Variants in PCDH15 observed in about 807,000 individuals in gnomAD.
PCDH15 encodes the protein protocadherin-15.
A neutral mutation model predicts 178.5 loss-of-function variants in PCDH15; 129 were observed. The ratio of observed to expected loss-of-function variants is 0.72; its 90% confidence interval spans 0.63 to 0.84. PCDH15 has a LOEUF of 0.84. Ranked by LOEUF, PCDH15 falls within the 40% of genes least tolerant of loss-of-function variation. The pLI is 0.00. For missense variants in PCDH15, 2,230 were observed against 2,099.9 expected (o/e 1.06, Z -1.21); for synonymous variants, 800 against 732.0 (o/e 1.09, Z -1.50).
chr10:54,414,492 C>A (rs1954029907), intron 3 of PCDH15, among the ~76,000 whole-genome samples: 1 of 151,904 alleles, frequency 6.6e-6, no homozygotes, highest in Admixed American at 6.6e-5. Flanking sequence ...AGTAGGTATA[C>A]AAATATGGAA....
At chr10:55,551,855 A>G (rs146867417) in intron 2 of PCDH15, among the ~76,000 whole-genome samples, 2 of 151,794 alleles carry the variant, frequency 1.3e-5, no homozygotes, top group Non-Finnish European at 1.5e-5. Flanking sequence ...AATTTGAGCT[A>G]AATTTGTCCT....
At chr10:54,305,795 C>A (rs1293482835) in intron 8 of PCDH15, among the ~76,000 whole-genome samples, 1 of 151,454 alleles carries the variant, frequency 6.6e-6, no homozygotes, top group African/African-American at 2.4e-5. Context: ...ACTAAAGGAG[C>A]CAGCCATAGG....
intron 8 of PCDH15, among the ~76,000 whole-genome samples, chr10:54,269,467 T>C (rs1399951329): frequency 6.6e-6 from 1 of 151,954 alleles, no homozygotes; most frequent in Non-Finnish European, 1.5e-5. Context: ...TATTTCATCA[T>C]AGTGTTTATT....
chr10:53,892,444 CA>C (rs1466671469), intron 26 of PCDH15, among the ~76,000 whole-genome samples: 2 of 151,992 alleles, frequency 1.3e-5, no homozygotes, highest in African/African-American at 4.8e-5. Flanking sequence ...AAATTACATT[CA>C]AATTAATAGG....
chr10:54,309,354 CA>C (rs2060757625), intron 8 of PCDH15, among the ~76,000 whole-genome samples: 1 of 146,788 alleles, frequency 6.8e-6, no homozygotes, highest in Non-Finnish European at 1.5e-5. Context: ...CACACACACA[CA>C]CTTCACATAT....
Position 53,806,566 on chromosome 10 carries a change from T to C in PCDH15, c.*13A>G, listed in dbSNP as rs1436864541. 6 of 1,556,220 alleles carry C rather than the reference T, an allele frequency of 3.9e-6. No homozygotes were observed. Among genetic ancestry groups the C allele is most frequent in the Non-Finnish European group, 5.2e-6 (6 of 1,148,020 alleles). ...TAAGTAAAAATTAATTAAAATATCTTTTAAAAAATTGGTCACAGTTTTGTC... is the reference window on the plus strand; with the variant it reads ...TAAGTAAAAATTAATTAAAATATCTCTTAAAAAATTGGTCACAGTTTTGTC... On this transcript the variant is annotated 3_prime_UTR_variant, in exon 38 of 38. Coordinates refer to ENST00000644397, the MANE Select transcript of PCDH15 (RefSeq NM_001384140.1).
At chr10:55,174,024 A>G (rs1839413247) in intron 1 of PCDH15, among the ~76,000 whole-genome samples, 2 of 152,202 alleles carry the variant, frequency 1.3e-5, no homozygotes, top group Admixed American at 1.3e-4. Flanking sequence ...AAAATATTCA[A>G]TTTTATAGAC....
At chr10:55,592,098 A>T (rs1275070884) in intron 2 of PCDH15, among the ~76,000 whole-genome samples, 1 of 152,192 alleles carries the variant, frequency 6.6e-6, no homozygotes, top group Non-Finnish European at 1.5e-5. Flanking sequence ...AGATGCAGTC[A>T]GTCGTGAGAA....
chr10:54,991,136 C>T (rs1591823025), intron 2 of PCDH15, among the ~76,000 whole-genome samples: 1 of 152,224 alleles, frequency 6.6e-6, no homozygotes, highest in South Asian at 2.1e-4. Flanking sequence ...GTAGTGAATG[C>T]ATGCTCAGCA....
chr10:55,041,942 T>G (rs1025295361), intron 2 of PCDH15, among the ~76,000 whole-genome samples: 1 of 152,144 alleles, frequency 6.6e-6, no homozygotes, highest in African/African-American at 2.4e-5. Flanking sequence ...ACTGTCTCAT[T>G]TAACTGAACA....
chr10:54,835,704 C>T (rs917381536), intron 3 of PCDH15, among the ~76,000 whole-genome samples: 1 of 151,964 alleles, frequency 6.6e-6, no homozygotes, highest in Admixed American at 6.6e-5. Context: ...TATGAAAAAA[C>T]CAATATTACA....
intron 2 of PCDH15, among the ~76,000 whole-genome samples, chr10:55,370,531 T>G (rs1428624302): frequency 6.6e-6 from 1 of 152,116 alleles, no homozygotes; most frequent in Non-Finnish European, 1.5e-5. Flanking sequence ...TGCAACCAAC[T>G]GTTCTTCTGG....
intron 6 of PCDH15, among the ~76,000 whole-genome samples, chr10:54,331,833 G>C (rs897545731): frequency 1.3e-5 from 2 of 151,962 alleles, no homozygotes; most frequent in Non-Finnish European, 2.9e-5. Context: ...CTCTAAATGA[G>C]ATGAGTCTTG....
intron 1 of PCDH15, among the ~76,000 whole-genome samples, chr10:54,694,990 C>T (rs1426817993): frequency 1.4e-5 from 2 of 141,286 alleles, no homozygotes; most frequent in East Asian, 2.2e-4. Context: ...GAGGGAAACT[C>T]AAAAAGTGCT....
chr10:55,544,217 C>T (rs1428938819), intron 2 of PCDH15, among the ~76,000 whole-genome samples: 1 of 139,452 alleles, frequency 7.2e-6, no homozygotes, highest in Non-Finnish European at 1.6e-5. Context: ...TAGCTGGTTA[C>T]ACTTATACAT....
intron 3 of PCDH15, among the ~76,000 whole-genome samples, chr10:54,867,751 C>T (rs959348349): frequency 6.6e-6 from 1 of 152,022 alleles, no homozygotes; most frequent in African/African-American, 2.4e-5. Flanking sequence ...AAACAAGGTA[C>T]CAAAACATCG....
intron 26 of PCDH15, among the ~76,000 whole-genome samples, chr10:53,888,743 T>C (rs1162694243): frequency 7.6e-6 from 1 of 131,802 alleles, no homozygotes; most frequent in African/African-American, 2.7e-5. Flanking sequence ...AAACCTTATT[T>C]GGTAATGAGC....
intron 6 of PCDH15, among the ~76,000 whole-genome samples, chr10:54,334,330 C>T (rs951689786): frequency 6.6e-6 from 1 of 152,134 alleles, no homozygotes; most frequent in African/African-American, 2.4e-5. Flanking sequence ...CACACACATT[C>T]ACATTCAATA....
At chr10:54,773,834 C>G (rs1375263237) in intron 1 of PCDH15, among the ~76,000 whole-genome samples, 3 of 151,354 alleles carry the variant, frequency 2.0e-5, no homozygotes, top group Non-Finnish European at 4.4e-5. Flanking sequence ...GCAAAAATAA[C>G]CTAAAGAAAA....
Sources: gnomAD v4.1 joint callset for allele counts (sites outside exome capture counted in the v4.1 genomes callset) on GRCh38, gnomAD v4.1.1 for gene constraint, MANE v1.5 for transcripts, NCBI Gene and HGNC (gene_info 2026-07-23, HGNC 2026-07-21) for gene names.